KIRREL3: variants seen among roughly 807,000 people sequenced by gnomAD.
KIRREL3 encodes the protein kin of IRRE-like protein 3.
In KIRREL3, 36 loss-of-function variants were observed where a neutral mutation model predicts 89.7. That is an observed-to-expected ratio of 0.40 (90% CI 0.31 to 0.53). The LOEUF (loss-of-function observed/expected upper bound fraction) is 0.53. KIRREL3 is among the 20% of genes least tolerant of loss of function. The pLI, the probability that KIRREL3 is intolerant of heterozygous loss-of-function variation, is 0.49. For missense variants in KIRREL3, 864 were observed against 1,056.6 expected (o/e 0.82, Z 2.53); for synonymous variants, 445 against 441.4 (o/e 1.01, Z -0.10).
intron 1 of KIRREL3, among the ~76,000 whole-genome samples, chr11:126,866,421 A>G (rs913587864): frequency 6.6e-6 from 1 of 152,146 alleles, no homozygotes; most frequent in Non-Finnish European, 1.5e-5. Flanking sequence ...TGCTGATACC[A>G]TGCTACTAAG....
chr11:126,684,395 G>A lies in KIRREL3; in HGVS notation c.56-121483C>T, dbSNP rs894938646. Among the ~76,000 whole-genome samples, 2 of 152,300 alleles carry A rather than the reference G, an allele frequency of 1.3e-5. No individual in the cohort carries two copies. The highest frequency in any genetic ancestry group is 3.9e-4 in the East Asian group (2 of 5,180). ...AGAAGTGATACATTAAAAACACATC[G>A]AAGCAAAACCTCCTGGTTGAACTGG... On this transcript the variant is annotated intron_variant, in intron 1 of 16. Transcript: ENST00000525144. The surrounding 1 kb of genome is among the most constrained non-coding windows in gnomAD (Gnocchi z 4.2).
intron 1 of KIRREL3, among the ~76,000 whole-genome samples, chr11:126,988,114 A>G (rs1354201498): frequency 6.6e-6 from 1 of 152,236 alleles, no homozygotes; most frequent in African/African-American, 2.4e-5. Context: ...GAGTAGCTCC[A>G]TTCTTCCAGC....
chr11:126,761,822 T>G lies in KIRREL3; in HGVS notation c.56-198910A>C, dbSNP rs1357891090. ...GAACTCTCTTGGGAAGAAGTCTCCCTAGGAAGCTGCTCCCCGCTTTCAATC... is the reference window on the plus strand; with the variant it reads ...GAACTCTCTTGGGAAGAAGTCTCCCGAGGAAGCTGCTCCCCGCTTTCAATC... On this transcript the variant is annotated intron_variant, in intron 1 of 16. Coordinates refer to ENST00000525144, the MANE Select transcript of KIRREL3 (RefSeq NM_032531.4). This position sits in a 1 kb window ranked among gnomAD's most constrained non-coding sequence, Gnocchi z 4.4. Among the ~76,000 whole-genome samples the G allele has an allele frequency of 6.6e-6, 1 of 152,088 alleles. No homozygotes were observed. Among genetic ancestry groups the G allele is most frequent in the African/African-American group, 2.4e-5 (1 of 41,422 alleles).
At position 126,492,261 on chromosome 11, in the gene KIRREL3, G is replaced by A. The variant is rs532440808; in HGVS notation, c.434-18795C>T. Reference sequence around the variant, plus strand: ...GACATCTGGAAGAACTGTTGTTGGAGACACAGCTGGGGAAGGGAGGTCAGG... The same window carrying A: ...GACATCTGGAAGAACTGTTGTTGGAAACACAGCTGGGGAAGGGAGGTCAGG... On this transcript the variant is annotated intron_variant, in intron 4 of 16. Transcript: ENST00000525144. The surrounding 1 kb of genome is among the most constrained non-coding windows in gnomAD (Gnocchi z 4.8). Among the ~76,000 whole-genome samples the A allele has an allele frequency of 3.9e-5, 6 of 152,292 alleles. No individual in the cohort carries two copies. The South Asian group carries it at 1.0e-3, about 26-fold the overall frequency.
In KIRREL3 at chr11:126,668,153, A is replaced by G. The variant is rs1945749067; in HGVS notation, c.56-105241T>C. Among the ~76,000 whole-genome samples, 2 of 152,194 alleles carry G rather than the reference A, an allele frequency of 1.3e-5. No individual in the cohort carries two copies. The highest frequency in any genetic ancestry group is 2.9e-5 in the Non-Finnish European group (2 of 68,030). ...AGAAATTTATTTCTTACAGATCTAGAGGCTGAAAGATCAAGATCAAGGTGA... is the reference window on the plus strand; with the variant it reads ...AGAAATTTATTTCTTACAGATCTAGGGGCTGAAAGATCAAGATCAAGGTGA... On this transcript the variant is annotated intron_variant, in intron 1 of 16. Transcript: ENST00000525144. The surrounding 1 kb of genome is among the most constrained non-coding windows in gnomAD (Gnocchi z 4.4).
chr11:126,766,715 G>T lies in KIRREL3; in HGVS notation c.56-203803C>A, dbSNP rs1454823369. The stretch of plus-strand genomic sequence containing the variant: ...AGGCACTTACAGAATTGACTTTTCT[G>T]CCTTGGCCTGGGGGAGGCGGGTGTT... On this transcript the variant is annotated intron_variant, in intron 1 of 16. Transcript: ENST00000525144. The surrounding 1 kb of genome is among the most constrained non-coding windows in gnomAD (Gnocchi z 4.2). Among the ~76,000 whole-genome samples, 1 of 152,180 alleles carries T rather than the reference G, an allele frequency of 6.6e-6. No homozygotes were observed.
Position 126,463,226 on chromosome 11 carries a change from T to A in KIRREL3, c.673A>T (p.Ile225Phe). 6.2e-7 allele frequency: 1 copy of A among 1,613,996 alleles called. No individual in the cohort carries two copies. The highest frequency in any genetic ancestry group is 8.5e-7 in the Non-Finnish European group (1 of 1,179,864). ...SPGDVENGQS[I>F]VCRATNKAIP... ...GCTTTGTTGGTGGCACGACACACGA[T>A]GCTCTGGCCATTCTCCACGTCACCA... is the stretch of plus-strand genomic sequence containing the variant. Residue 225 changes from isoleucine (I) to phenylalanine (F), a missense_variant, in exon 6 of 17, where the codon ATC becomes TTC. Ile to Phe is a conservative substitution (Grantham distance 21). Coordinates refer to ENST00000525144, the MANE Select transcript of KIRREL3 (RefSeq NM_032531.4). The surrounding 1 kb of genome is among the most constrained non-coding windows in gnomAD (Gnocchi z 5.9).
chr11:126,759,121 G>T (rs983612149), intron 1 of KIRREL3, among the ~76,000 whole-genome samples: 2 of 152,106 alleles, frequency 1.3e-5, no homozygotes, highest in Non-Finnish European at 2.9e-5. Context: ...TACTTTGTGG[G>T]TATTTTTGTT....
In KIRREL3 at chr11:126,776,872, G is replaced by A. The variant is rs1950183622; in HGVS notation, c.56-213960C>T. The stretch of plus-strand genomic sequence containing the variant: ...AGCTTTCCTGGCCCTGCCTGGGGTA[G>A]TCCAAATGGAGTGCAGGAGACCGGT... On this transcript the variant is annotated intron_variant, in intron 1 of 16. Transcript: ENST00000525144. The surrounding 1 kb of genome is among the most constrained non-coding windows in gnomAD (Gnocchi z 4.7). Among the ~76,000 whole-genome samples the A allele has an allele frequency of 6.6e-6, 1 of 152,202 alleles. No homozygotes were observed. The highest frequency in any genetic ancestry group is 6.5e-5 in the Admixed American group (1 of 15,280).
chr11:126,463,361 C>T lies in KIRREL3; in HGVS notation c.592-54G>A. 2 of 1,570,646 alleles carry T rather than the reference C, an allele frequency of 1.3e-6. No individual in the cohort carries two copies. Among genetic ancestry groups the T allele is most frequent in the South Asian group, 1.2e-5 (1 of 85,392 alleles). On this transcript the variant is annotated intron_variant, in intron 5 of 16. Transcript: ENST00000525144. The surrounding 1 kb of genome is among the most constrained non-coding windows in gnomAD (Gnocchi z 5.9). ...GCTCCATGTCGCTTGGCTGGGGTGG[C>T]CAGCCTGGGTTGGGGGTAAACGAGC...
In KIRREL3 at chr11:126,526,605, G is replaced by A. The variant is rs770994803; in HGVS notation, c.216C>T (p.Pro72=). The change falls in exon 3 of 17, where the codon CCC becomes CCT. Residue 72 remains proline (P), a synonymous_variant. Coordinates refer to ENST00000525144, the MANE Select transcript of KIRREL3 (RefSeq NM_032531.4). The surrounding 1 kb of genome is among the most constrained non-coding windows in gnomAD (Gnocchi z 5.7). Reference sequence around the variant, plus strand: ...TCCACAGAACGAAGCCATCGTATTCGGGGATGGCGCAAAGTAGCGTCACTG... The same window carrying A: ...TCCACAGAACGAAGCCATCGTATTCAGGGATGGCGCAAAGTAGCGTCACTG... ...GQPVTLLCAI[P]EYDGFVLWIK... 11 of 1,609,286 alleles carry A rather than the reference G, an allele frequency of 6.8e-6. No homozygotes were observed. Among genetic ancestry groups the A allele is most frequent in the African/African-American group, 2.7e-5 (2 of 74,838 alleles).
chr11:126,819,497 G>C (rs576219654), intron 1 of KIRREL3, among the ~76,000 whole-genome samples: 1 of 152,226 alleles, frequency 6.6e-6, no homozygotes, highest in East Asian at 1.9e-4. Flanking sequence ...ATTTGTCACC[G>C]GCAGGAGTGA....
Position 126,709,381 on chromosome 11 carries a change from C to T in KIRREL3, c.56-146469G>A, listed in dbSNP as rs747853703. On this transcript the variant is annotated intron_variant, in intron 1 of 16. Coordinates refer to ENST00000525144, the MANE Select transcript of KIRREL3 (RefSeq NM_032531.4). This position sits in a 1 kb window ranked among gnomAD's most constrained non-coding sequence, Gnocchi z 4.0. ...GGGCAGCACCCCCGGGCAGAAGATG[C>T]AGCCAAACAGGAAAGACAGAGTTCA... 3.4e-4 allele frequency among the ~76,000 whole-genome samples: 51 copies of T among 152,158 alleles called. No homozygotes were observed. The highest frequency in any genetic ancestry group is 1.5e-4 in the Non-Finnish European group (10 of 68,032).
At chr11:126,663,122 G>A (rs1945493012) in intron 1 of KIRREL3, among the ~76,000 whole-genome samples, 1 of 151,410 alleles carries the variant, frequency 6.6e-6, no homozygotes, top group Non-Finnish European at 1.5e-5. Context: ...ATGAGCATGG[G>A]GAGTGTGGAG....
At chr11:126,582,907 T>C (rs1941634291) in intron 1 of KIRREL3, among the ~76,000 whole-genome samples, 1 of 152,206 alleles carries the variant, frequency 6.6e-6, no homozygotes, top group African/African-American at 2.4e-5. Flanking sequence ...GTATTATCCT[T>C]AATATTGGTA....
chr11:126,470,243 G>T (rs527526605), intron 5 of KIRREL3, among the ~76,000 whole-genome samples: 1 of 152,360 alleles, frequency 6.6e-6, no homozygotes, highest in South Asian at 2.1e-4. Flanking sequence ...GGGAGGGACA[G>T]GACAGGTGCT....
At position 126,685,199 on chromosome 11, in the gene KIRREL3, G is replaced by A. The variant is rs999263065; in HGVS notation, c.56-122287C>T. Among the ~76,000 whole-genome samples the A allele has an allele frequency of 2.6e-5, 4 of 152,228 alleles. No homozygotes were observed. The highest frequency in any genetic ancestry group is 4.1e-4 in the South Asian group (2 of 4,828). ...GAGGTGTGCTCAAGATGTGCTGAGA[G>A]CAGAGGATAGCCCCAGCTCTGCTCT... On this transcript the variant is annotated intron_variant, in intron 1 of 16. Coordinates refer to ENST00000525144, the MANE Select transcript of KIRREL3 (RefSeq NM_032531.4). This position sits in a 1 kb window ranked among gnomAD's most constrained non-coding sequence, Gnocchi z 5.5.
rs567673684 is a variant in KIRREL3 at position 126,710,530 on chromosome 11, G to A, written c.56-147618C>T. Among the ~76,000 whole-genome samples the A allele has an allele frequency of 6.6e-6, 1 of 152,252 alleles. No homozygotes were observed. Among genetic ancestry groups the A allele is most frequent in the East Asian group, 1.9e-4 (1 of 5,176 alleles). On this transcript the variant is annotated intron_variant, in intron 1 of 16. Coordinates refer to ENST00000525144, the MANE Select transcript of KIRREL3 (RefSeq NM_032531.4). The surrounding 1 kb of genome is among the most constrained non-coding windows in gnomAD (Gnocchi z 4.2). ...CTTTAAAGCTCCAGTTAACGTGTAT[G>A]CAGATGGGAGCTTGGAGGACTATTT...
rs778018674 is a variant in KIRREL3 at position 126,830,780 on chromosome 11, G to A, written c.55+169675C>T. ...AATAGTGCACTCCCTGTGCCAAGGA[G>A]GGGTATCATTGTTTATGTCACTAAT... is the stretch of plus-strand genomic sequence containing the variant. On this transcript the variant is annotated intron_variant, in intron 1 of 16. Transcript: ENST00000525144. The surrounding 1 kb of genome is among the most constrained non-coding windows in gnomAD (Gnocchi z 4.9). Among the ~76,000 whole-genome samples the A allele has an allele frequency of 6.6e-6, 1 of 152,270 alleles. No individual in the cohort carries two copies. The highest frequency in any genetic ancestry group is 1.9e-4 in the East Asian group (1 of 5,184).
Sources: allele counts gnomAD v4.1 joint callset (sites outside exome capture counted in the v4.1 genomes callset), GRCh38; gene constraint gnomAD v4.1.1; non-coding constraint Gnocchi (gnomAD v3.1); transcripts MANE v1.5; gene names NCBI Gene and HGNC (gene_info 2026-07-23, HGNC 2026-07-21).